Variants in TMEM242 observed in about 807,000 individuals in gnomAD.
TMEM242 encodes UPF0463 transmembrane protein C6orf35.
A neutral mutation model predicts 18.2 loss-of-function variants in TMEM242; 10 were observed. The observed-to-expected ratio is 0.55, with a 90% CI of 0.34 to 0.93. The LOEUF is 0.93. Among genes scored for constraint, TMEM242 ranks in the 40% least tolerant of loss-of-function variants. The pLI, the probability that TMEM242 is intolerant of heterozygous loss-of-function variation, is 0.02. For synonymous variants in TMEM242, 57 were observed against 69.9 expected (o/e 0.81, Z 0.92); for missense variants, 186 against 175.5 (o/e 1.06, Z -0.34).
intron 3 of TMEM242, among the ~76,000 whole-genome samples, chr6:157,311,595 C>G (rs1554248868): frequency 1.2e-5 from 1 of 83,566 alleles, no homozygotes. Flanking sequence ...TGTCCCCTCA[C>G]CTAGCCTCAT....
chr6:157,310,279 T>G (rs781972528), intron 3 of TMEM242, among the ~76,000 whole-genome samples: 2 of 149,770 alleles, frequency 1.3e-5, no homozygotes, highest in Non-Finnish European at 3.0e-5. Flanking sequence ...GAATTGCCAC[T>G]TAGTACAAGA....
intron 3 of TMEM242, among the ~76,000 whole-genome samples, chr6:157,293,426 A>G (rs1777710119): frequency 6.6e-6 from 1 of 151,946 alleles, no homozygotes; most frequent in Non-Finnish European, 1.5e-5. Context: ...TAAACCGTCA[A>G]CTCTCCATAA....
At chr6:157,307,707 T>C (rs1777934669) in intron 3 of TMEM242, among the ~76,000 whole-genome samples, 4 of 152,174 alleles carry the variant, frequency 2.6e-5, no homozygotes, top group African/African-American at 9.7e-5. Flanking sequence ...TGTGCAGTGC[T>C]ACTTCCAATT....
intron 3 of TMEM242, among the ~76,000 whole-genome samples, chr6:157,301,659 C>T (rs1415261668): frequency 2.0e-5 from 3 of 152,124 alleles, no homozygotes; most frequent in Non-Finnish European, 2.9e-5. Flanking sequence ...CAGGGCTGGA[C>T]GCAGTGGCTC....
In TMEM242 at chr6:157,292,834, G is replaced by A; in HGVS notation, c.*67C>T. Reference sequence around the variant, plus strand: ...GGGAGAAATCAGTCCCAGTCCTTTTGCTGTCATGGTGTCTCCAGAGCCACC... The same window carrying A: ...GGGAGAAATCAGTCCCAGTCCTTTTACTGTCATGGTGTCTCCAGAGCCACC... On this transcript the variant is annotated 3_prime_UTR_variant, in exon 4 of 4. Coordinates refer to ENST00000400788, the MANE Select transcript of TMEM242 (RefSeq NM_018452.6). 1.6e-6 allele frequency: 2 copies of A among 1,249,524 alleles called. No homozygotes were observed. Among genetic ancestry groups the A allele is most frequent in the Non-Finnish European group, 2.3e-6 (2 of 858,520 alleles). 77.4% of individuals were successfully genotyped at this position (1,249,524 alleles called of 1,614,324 possible).
chr6:157,310,868 C>A (rs1554248482), intron 3 of TMEM242, among the ~76,000 whole-genome samples: 284 of 144,660 alleles, frequency 2.0e-3, no homozygotes, highest in Admixed American at 3.1e-3. Flanking sequence ...CTAGCCTCAT[C>A]ATAGTGCCCC....
chr6:157,293,998 G>A (rs1777717089), intron 3 of TMEM242, among the ~76,000 whole-genome samples: 1 of 152,120 alleles, frequency 6.6e-6, no homozygotes, highest in Non-Finnish European at 1.5e-5. Flanking sequence ...TGAGATCACA[G>A]GCGTGCACCA....
intron 3 of TMEM242, among the ~76,000 whole-genome samples, chr6:157,298,236 C>G (rs1777776765): frequency 6.6e-6 from 1 of 152,198 alleles, no homozygotes; most frequent in East Asian, 1.9e-4. Flanking sequence ...AATGCGCTAA[C>G]AGGTCAGGTT....
intron 3 of TMEM242, among the ~76,000 whole-genome samples, chr6:157,300,677 C>G (rs1267643824): frequency 6.6e-6 from 1 of 152,194 alleles, no homozygotes; most frequent in Non-Finnish European, 1.5e-5. Context: ...GGCCAGGACC[C>G]ACACTGGGAC....
chr6:157,315,215 A>T (rs1437315454), intron 3 of TMEM242, among the ~76,000 whole-genome samples: 2 of 152,204 alleles, frequency 1.3e-5, no homozygotes, highest in Non-Finnish European at 2.9e-5. Context: ...AATATACCAC[A>T]TTGCTGTCTG....
At chr6:157,310,578 G>T (rs1778000127) in intron 3 of TMEM242, among the ~76,000 whole-genome samples, 1 of 142,458 alleles carries the variant, frequency 7.0e-6, no homozygotes, top group African/African-American at 2.8e-5. Context: ...GCCCCAGTGT[G>T]CGCTCACCCG....
chr6:157,311,242 C>G (rs1445416953), intron 3 of TMEM242, among the ~76,000 whole-genome samples: 58 of 107,810 alleles, frequency 5.4e-4, no homozygotes, highest in East Asian at 1.7e-3. Flanking sequence ...CATAGTGTCC[C>G]AGTGTGCGCT....
chr6:157,314,028 A>G (rs587657950), intron 3 of TMEM242, among the ~76,000 whole-genome samples: 347 of 1,972 alleles, frequency 0.18, 1 homozygote, highest in Middle Eastern at 0.5. Flanking sequence ...CTCAGTGTGC[A>G]CTCACCCGGC....
At chr6:157,311,447 A>G (rs1554248789) in intron 3 of TMEM242, among the ~76,000 whole-genome samples, 2 of 126,208 alleles carry the variant, frequency 1.6e-5, no homozygotes, top group African/African-American at 6.0e-5. Flanking sequence ...ATAGTGTCCC[A>G]GTGTGCAATC....
chr6:157,321,340 A>C (rs1330439156), intron 2 of TMEM242, among the ~76,000 whole-genome samples: 2 of 152,166 alleles, frequency 1.3e-5, no homozygotes, highest in Non-Finnish European at 2.9e-5. Flanking sequence ...CAGAATATTA[A>C]AATGAGGTTT....
rs1000647045 is a variant in TMEM242 at position 157,305,587 on chromosome 6, A to G, written c.328-12588T>C. 2.6e-5 allele frequency among the ~76,000 whole-genome samples: 4 copies of G among 152,212 alleles called. No individual in the cohort carries two copies. The highest frequency in any genetic ancestry group is 2.1e-4 in the South Asian group (1 of 4,826). Reference sequence around the variant, plus strand: ...GTTTTAAAGTGGCAGGGACTGGACGAAAGAGCCAAGGGGCGGAGGATAGAT... The same window carrying G: ...GTTTTAAAGTGGCAGGGACTGGACGGAAGAGCCAAGGGGCGGAGGATAGAT... On this transcript the variant is annotated intron_variant, in intron 3 of 3. Transcript: ENST00000400788. This position sits in a 1 kb window ranked among gnomAD's most constrained non-coding sequence, Gnocchi z 4.1.
Position 157,311,252 on chromosome 6 carries a change from T to A in TMEM242, c.327+7530A>T, listed in dbSNP as rs1353149814. On this transcript the variant is annotated intron_variant, in intron 3 of 3. Transcript: ENST00000400788. The stretch of plus-strand genomic sequence containing the variant: ...CTCATCATAGTGTCCCAGTGTGCGC[T>A]CACCTAGCCTCATCATAGTGCCCCC... 1.5e-3 allele frequency among the ~76,000 whole-genome samples: 220 copies of A among 144,896 alleles called. No homozygotes were observed. The East Asian group carries it at 0.015, about 10-fold the overall frequency.
intron 3 of TMEM242, among the ~76,000 whole-genome samples, chr6:157,310,013 T>C (rs868926074): frequency 6.6e-6 from 1 of 152,170 alleles, no homozygotes; most frequent in Non-Finnish European, 1.5e-5. Context: ...TCCACAGACA[T>C]AGCGCATACC....
chr6:157,289,354 A>G lies in TMEM242; in HGVS notation c.*3547T>C, dbSNP rs1339072553. Reference sequence around the variant, plus strand: ...GCTCACAAAATCGCAGCCTTGGGCAATTAATCCTGATAACACCAAGAGAGA... The same window carrying G: ...GCTCACAAAATCGCAGCCTTGGGCAGTTAATCCTGATAACACCAAGAGAGA... On this transcript the variant is annotated 3_prime_UTR_variant, in exon 4 of 4. Transcript: ENST00000400788. The G allele has an allele frequency of 6.6e-6, 1 of 152,230 alleles. No individual in the cohort carries two copies. The highest frequency in any genetic ancestry group is 1.5e-5 in the Non-Finnish European group (1 of 68,044). The allele number at this position is 152,230 out of a possible 1,614,324, so 9.4% of individuals were successfully genotyped here.
Sources: allele counts gnomAD v4.1 joint callset (sites outside exome capture counted in the v4.1 genomes callset), GRCh38; gene constraint gnomAD v4.1.1; non-coding constraint Gnocchi (gnomAD v3.1); transcripts MANE v1.5; gene names NCBI Gene and HGNC (gene_info 2026-07-23, HGNC 2026-07-21).